Variants in DNAH12 observed in about 807,000 individuals in gnomAD.
DNAH12 encodes the protein dynein axonemal heavy chain 12, also known as axonemal beta dynein heavy chain 12.
Under a neutral mutation model 371.5 loss-of-function variants are expected in DNAH12, and 285 were observed. The observed-to-expected ratio is 0.77, with a 90% CI of 0.70 to 0.85. The LOEUF (loss-of-function observed/expected upper bound fraction) is 0.85, where lower values mean the gene tolerates loss of function less well. Ranked by LOEUF, DNAH12 falls within the 40% of genes least tolerant of loss-of-function variation. The pLI is 0.00. For missense variants in DNAH12, 3,611 were observed against 3,689.4 expected (o/e 0.98, Z 0.55); for synonymous variants, 1,200 against 1,213.0 (o/e 0.99, Z 0.22).
At chr3:57,418,068 C>T (rs2064436050) in intron 37 of DNAH12, among the ~76,000 whole-genome samples, 1 of 151,982 alleles carries the variant, frequency 6.6e-6, no homozygotes, top group South Asian at 2.1e-4. Context: ...AGGAGAAGTG[C>T]TTGAACCCAG....
In DNAH12 at chr3:57,505,135, T is replaced by C. The variant is rs573399627; in HGVS notation, c.898-931A>G. On this transcript the variant is annotated intron_variant, in intron 8 of 73. Coordinates refer to ENST00000495027, the MANE Select transcript of DNAH12 (RefSeq NM_001366028.2). ...AACTCCTGAGCTCAAGTGACCCGCC[T>C]GCTTTGGCCTCTCACAGTGCTGGGA... Among the ~76,000 whole-genome samples, 30 of 152,204 alleles carry C rather than the reference T, an allele frequency of 2.0e-4. No homozygotes were observed. The South Asian group carries it at 6.2e-3, about 32-fold the overall frequency.
At chr3:57,399,394 T>TA (rs1241243402) in intron 43 of DNAH12, among the ~76,000 whole-genome samples, 6,229 of 151,758 alleles carry the variant, frequency 0.041, 158 homozygotes, top group African/African-American at 0.063. Flanking sequence ...CCAAATGGAT[T>TA]AAAAAAAAGA....
At chr3:57,546,596 G>C (rs1157957029), upstream of DNAH12, among the ~76,000 whole-genome samples, 1 of 152,184 alleles carries the variant, frequency 6.6e-6, no homozygotes, top group Non-Finnish European at 1.5e-5. Context: ...TCCTGCTTCA[G>C]CTTCCTAAAA....
rs779374054 is a variant in DNAH12, at chr3:57,453,006, T to C, written c.3623A>G (p.His1208Arg). 2.5e-5 allele frequency: 38 copies of C among 1,540,700 alleles called. No homozygotes were observed. In the Admixed American group the frequency reaches 3.2e-4, roughly 13 times the overall value. Reference protein sequence around the residue: ...VMDMIKMGVSHDTDFLWLAQL... With the variant: ...VMDMIKMGVSRDTDFLWLAQL... ...AGCAAGCCACAGGAAATCTGTATCA[T>C]GTGAGACACCTAGAAAAAATAAAGT... The change falls in exon 25 of 74, where the codon CAT becomes CGT. Residue 1208 changes from histidine to arginine, a missense_variant. Transcript: ENST00000495027.
intron 4 of DNAH12, among the ~76,000 whole-genome samples, chr3:57,521,063 C>CAAAAAAAAAAA (rs61570396): frequency 1.8e-5 from 1 of 54,440 alleles, no homozygotes; most frequent in African/African-American, 4.7e-5. Context: ...GACTCTGTCT[C>CAAAAAAAAAAA]AAAAAAAAAA....
At chr3:57,386,260 A>C (rs1329094257) in intron 47 of DNAH12, among the ~76,000 whole-genome samples, 181 bp downstream of exon 47, 1 of 152,220 alleles carries the variant, frequency 6.6e-6, no homozygotes, top group African/African-American at 2.4e-5. Flanking sequence ...TCATTTGTAA[A>C]ATGAGGATCA....
chr3:57,384,505 C>T (rs1024853587), intron 49 of DNAH12, among the ~76,000 whole-genome samples: 12 of 151,826 alleles, frequency 7.9e-5, no homozygotes, highest in African/African-American at 2.7e-4. Context: ...TTAGCCAGGC[C>T]TAGTGGTGTG....
At chr3:57,420,933 A>C (rs1425980152) in intron 36 of DNAH12, among the ~76,000 whole-genome samples, 2 of 151,460 alleles carry the variant, frequency 1.3e-5, no homozygotes, top group African/African-American at 2.4e-5. Flanking sequence ...AAAAAAAAGA[A>C]AGAAATAAAG....
intron 11 of DNAH12, among the ~76,000 whole-genome samples, chr3:57,500,045 C>CTT (rs34159826): frequency 6.8e-6 from 1 of 147,134 alleles, no homozygotes; most frequent in Admixed American, 6.8e-5. Flanking sequence ...TCAGAATTAC[C>CTT]TTTTTTTTTT....
chr3:57,380,856 G>A (rs1381562809), intron 50 of DNAH12, among the ~76,000 whole-genome samples: 1 of 145,614 alleles, frequency 6.9e-6, no homozygotes, highest in Admixed American at 6.8e-5. Context: ...TTTTAAATAT[G>A]GAAATGCATT....
intron 2 of DNAH12, among the ~76,000 whole-genome samples, chr3:57,527,331 C>CA (rs1295911599): frequency 6.6e-6 from 1 of 151,590 alleles, no homozygotes; most frequent in Non-Finnish European, 1.5e-5. Context: ...ACTTTGTTTC[C>CA]AAAAAACAAA....
At chr3:57,423,273 G>T (rs1435429634) in intron 35 of DNAH12, among the ~76,000 whole-genome samples, 2 of 152,142 alleles carry the variant, frequency 1.3e-5, no homozygotes, top group Non-Finnish European at 2.9e-5. Flanking sequence ...CAGGAAAAAT[G>T]CAACTTGAAG....
chr3:57,346,439 A>C (rs1345216749), intron 60 of DNAH12, among the ~76,000 whole-genome samples: 5 of 152,206 alleles, frequency 3.3e-5, no homozygotes, highest in Non-Finnish European at 7.4e-5. Context: ...AGTTTTTTAA[A>C]AAAGTAAGTA....
At chr3:57,357,959 C>G (rs1431233352) in intron 58 of DNAH12, among the ~76,000 whole-genome samples, 1 of 152,102 alleles carries the variant, frequency 6.6e-6, no homozygotes, top group Non-Finnish European at 1.5e-5. Context: ...ATTCAACCCC[C>G]AAAGAAAAAT....
chr3:57,323,392 A>G lies in DNAH12; in HGVS notation c.10129+77T>C, dbSNP rs984640816. 5 of 1,471,860 alleles carry G rather than the reference A, an allele frequency of 3.4e-6. No homozygotes were observed. The African/African-American group carries it at 7.1e-5, about 21-fold the overall frequency. The allele number at this position is 1,471,860 out of a possible 1,614,324, so 91.2% of individuals were successfully genotyped here. A position where few individuals can be genotyped will look rare whatever the true frequency, so the allele number is the denominator to read the frequency against. On this transcript the variant is annotated intron_variant, in intron 63 of 73. Transcript: ENST00000495027. ...AAATATCAGATTTACTAACTGATTT[A>G]TAATCATATAAGGAATCAGTATTGA...
chr3:57,370,919 T>G (rs2063157341), intron 55 of DNAH12, among the ~76,000 whole-genome samples: 1 of 152,120 alleles, frequency 6.6e-6, no homozygotes, highest in African/African-American at 2.4e-5. Context: ...AAAGGCTTAA[T>G]GAAGTCACTG....
At chr3:57,426,609 T>C (rs577021128) in intron 34 of DNAH12, among the ~76,000 whole-genome samples, 2 of 151,814 alleles carry the variant, frequency 1.3e-5, no homozygotes, top group East Asian at 3.9e-4. Flanking sequence ...GTGGGCAGAT[T>C]GCTTGAGGCC....
chr3:57,337,397 C>T (rs782534750), intron 60 of DNAH12, among the ~76,000 whole-genome samples: 12 of 152,164 alleles, frequency 7.9e-5, no homozygotes, highest in Non-Finnish European at 1.3e-4. Context: ...CGGTGGCTCA[C>T]GCCTGTAATC....
rs1196795397 is a variant in DNAH12 at position 57,354,549 on chromosome 3, AG to A, written c.9534-2325del. Among the ~76,000 whole-genome samples, 108 of 85,256 alleles carry A rather than the reference AG, an allele frequency of 1.3e-3. 2 individuals are homozygous for A. The highest frequency in any genetic ancestry group is 3.5e-3 in the African/African-American group (102 of 29,218). The allele number at this position is 85,256 out of a possible 152,430, so 55.9% of individuals were successfully genotyped here. ...TATGTCTTGTTTGCTAAAAAAAAAA[AG>A]AAAAAAAAAAAGAAAAAAAATCTAA... On this transcript the variant is annotated intron_variant, in intron 59 of 73. Coordinates refer to ENST00000495027, the MANE Select transcript of DNAH12 (RefSeq NM_001366028.2).
Sources: gnomAD v4.1 joint callset for allele counts (sites outside exome capture counted in the v4.1 genomes callset) on GRCh38, gnomAD v4.1.1 for gene constraint, MANE v1.5 for transcripts, NCBI Gene and HGNC (gene_info 2026-07-23, HGNC 2026-07-21) for gene names.